Variants in AKR1C2 observed in about 807,000 individuals in gnomAD.
The protein encoded by AKR1C2 is 3-alpha-HSD3.
AKR1C2 carries 27 observed loss-of-function variants against 39.8 expected under a neutral mutation model. The ratio of observed to expected loss-of-function variants is 0.68; its 90% CI spans 0.50 to 0.93. The LOEUF (loss-of-function observed/expected upper bound fraction) is 0.93. Among genes scored for constraint, AKR1C2 ranks in the 40% least tolerant of loss-of-function variants. AKR1C2 has a pLI of 0.00. For synonymous variants in AKR1C2, 114 were observed against 137.9 expected, an observed-to-expected ratio of 0.83 and a Z score of 1.22; for missense variants, 263 against 365.1, an observed-to-expected ratio of 0.72 and a Z score of 2.28.
In AKR1C2 at chr10:4,994,993, C is replaced by T. The variant is rs1433483227; in HGVS notation, c.846+326G>A. Among the ~76,000 whole-genome samples, 238 of 93,074 alleles carry T rather than the reference C, an allele frequency of 2.6e-3. 2 individuals are homozygous for T. The highest frequency in any genetic ancestry group is 9.1e-3 in the African/African-American group (215 of 23,718). 61.1% of individuals were successfully genotyped at this position (93,074 alleles called of 152,430 possible). ...ACATAAACATACAAGAAGAAAAATC[C>T]GCCATGAGTTGGAGACTAAAGAACA... On this transcript the variant is annotated intron_variant, in intron 7 of 8. Transcript: ENST00000380753.
At chr10:5,016,938 T>C (rs1289859973) in intron 1 of AKR1C2, among the ~76,000 whole-genome samples, 2 of 152,242 alleles carry the variant, frequency 1.3e-5, no homozygotes, top group South Asian at 2.1e-4. Context: ...GCTAGCATCC[T>C]CTAAAACAAT....
chr10:5,000,100 G>T (rs1554773671), intron 3 of AKR1C2: 4 of 1,163,872 alleles, frequency 3.4e-6, no homozygotes, highest in South Asian at 3.2e-5. Context: ...TCCCATGAAG[G>T]TTTGTAGTTT....
chr10:5,000,267 A>T (rs1353038920), intron 3 of AKR1C2: 13 of 1,461,410 alleles, frequency 8.9e-6, no homozygotes, highest in Middle Eastern at 2.5e-4. Context: ...ATCATAAATA[A>T]GACCTTGTGC....
intron 1 of AKR1C2, among the ~76,000 whole-genome samples, chr10:5,009,629 A>G (rs78163442): frequency 0.15 from 22,432 of 151,600 alleles, 2,007 homozygotes; most frequent in South Asian, 0.24. Flanking sequence ...CCCACCTTTA[A>G]GCCTGGATAC....
At chr10:5,002,722 G>A (rs1202574104) in intron 1 of AKR1C2, among the ~76,000 whole-genome samples, 1 of 151,602 alleles carries the variant, frequency 6.6e-6, no homozygotes, top group East Asian at 1.9e-4. Flanking sequence ...TATTTCAGAG[G>A]CTTTTTCCTG....
rs782051601 is a variant in AKR1C2 at position 4,995,796 on chromosome 10, C to A, written c.640G>T (p.Val214Phe). ...TGGGATCCCAGAGCACTATAGGCAACCAGAACAATGTCTTTTGACTTGCAG... is the reference window on the plus strand; with the variant it reads ...TGGGATCCCAGAGCACTATAGGCAAACAGAACAATGTCTTTTGACTTGCAG... ...DFCKSKDIVLVAYSALGSHRE... is the reference protein window; with the variant it reads ...DFCKSKDIVLFAYSALGSHRE... Residue 214 changes from valine (V) to phenylalanine (F), a missense_variant, in exon 6 of 9, where the codon GTT (valine) becomes TTT (phenylalanine). This residue lies in a region of AKR1C2 where 247 missense variants were observed against 267.9 expected (regional missense o/e 0.92). Transcript: ENST00000380753. 1 of 1,612,440 alleles carries A rather than the reference C, an allele frequency of 6.2e-7. No individual in the cohort carries two copies. Among genetic ancestry groups the A allele is most frequent in the Non-Finnish European group, 8.5e-7 (1 of 1,179,532 alleles).
At chr10:5,010,693 A>G (rs1187677503) in intron 1 of AKR1C2, 1 of 152,182 alleles carries the variant, frequency 6.6e-6, no homozygotes, top group Non-Finnish European at 1.5e-5. Flanking sequence ...AACATGAGTG[A>G]CCTTAGCAAA....
upstream of AKR1C2, chr10:5,004,108 G>C: frequency 3.5e-6 from 1 of 286,758 alleles, no homozygotes; most frequent in African/African-American, 2.2e-5. Context: ...CTATATATGA[G>C]ACATAAATTA....
At position 5,003,612 on chromosome 10, in the gene AKR1C2, C is replaced by G. The variant is rs75824824; in HGVS notation, c.84+140G>C. The G allele has an allele frequency of 1.7e-5, 17 of 988,242 alleles. No homozygotes were observed. The African/African-American group carries it at 2.2e-4, about 13-fold the overall frequency. The allele number at this position is 988,242 out of a possible 1,614,324, so 61.2% of individuals were successfully genotyped here. A position where few individuals can be genotyped will look rare whatever the true frequency, so the allele number is the denominator to read the frequency against. On this transcript the variant is annotated intron_variant, in intron 1 of 8. Transcript: ENST00000380753. ...AAATAAGCAGTAGATGACCCTGTGA[C>G]AAGACGGCATTGCAGAACAAAGACT...
intron 1 of AKR1C2, among the ~76,000 whole-genome samples, chr10:5,013,850 C>A (rs1837575272): frequency 6.6e-6 from 1 of 152,164 alleles, no homozygotes; most frequent in Non-Finnish European, 1.5e-5. Flanking sequence ...GCTCATTAAA[C>A]AACAACTTCC....
At chr10:4,998,301 CCCGT>C (rs1372265589) in intron 5 of AKR1C2, among the ~76,000 whole-genome samples, 2 of 152,174 alleles carry the variant, frequency 1.3e-5, no homozygotes, top group African/African-American at 4.8e-5. Context: ...ATCACCTTCA[CCCGT>C]CCACTCTCTG....
intron 1 of AKR1C2, among the ~76,000 whole-genome samples, chr10:5,009,308 G>T (rs1837471194): frequency 6.6e-6 from 1 of 152,070 alleles, no homozygotes. Context: ...ATTGCACCGA[G>T]CACTTTTTGA....
chr10:4,994,410 C>T (rs1157747843), intron 7 of AKR1C2, among the ~76,000 whole-genome samples: 1 of 152,112 alleles, frequency 6.6e-6, no homozygotes, highest in East Asian at 1.9e-4. Context: ...ATTTCCAGTT[C>T]CTTCCAGTAA....
At chr10:5,011,163 T>C (rs782517643) in intron 1 of AKR1C2, among the ~76,000 whole-genome samples, 4 of 151,792 alleles carry the variant, frequency 2.6e-5, no homozygotes, top group Admixed American at 1.3e-4. Flanking sequence ...ACAACAACAA[T>C]AACAAGAAAA....
At chr10:5,008,479 G>A (rs1301376761), upstream of AKR1C2, among the ~76,000 whole-genome samples, 1 of 152,014 alleles carries the variant, frequency 6.6e-6, no homozygotes, top group African/African-American at 2.4e-5. Context: ...CCTTGTACAT[G>A]GGGGCTTCTG....
chr10:4,998,010 C>G (rs143022234), intron 5 of AKR1C2, among the ~76,000 whole-genome samples: 4,317 of 152,294 alleles, frequency 0.028, 22 homozygotes, highest in Non-Finnish European at 0.041. Context: ...CCATGTTCTG[C>G]TGAACCTTCC....
chr10:5,001,039 A>C (rs554089084), intron 2 of AKR1C2, among the ~76,000 whole-genome samples: 2 of 152,332 alleles, frequency 1.3e-5, no homozygotes, highest in Admixed American at 1.3e-4. Context: ...TTGGAAACTG[A>C]GGAGGCAAAC....
intron 7 of AKR1C2, among the ~76,000 whole-genome samples, chr10:4,993,484 A>G (rs1324302646): frequency 3.9e-5 from 6 of 152,174 alleles, no homozygotes; most frequent in African/African-American, 1.4e-4. Flanking sequence ...TTTAAAAGTC[A>G]TACCCATTAG....
upstream of AKR1C2, chr10:5,003,989 T>C: frequency 1.7e-6 from 1 of 586,242 alleles, no homozygotes; most frequent in Non-Finnish European, 3.1e-6. Flanking sequence ...GTGATAAAAA[T>C]TGCATCCAGT....
Sources: gnomAD v4.1 joint callset for allele counts (sites outside exome capture counted in the v4.1 genomes callset) on GRCh38, gnomAD v4.1.1 for gene constraint, gnomAD v4.1.1 regional missense constraint, MANE v1.5 for transcripts, NCBI Gene and HGNC (gene_info 2026-07-23, HGNC 2026-07-21) for gene names.